Variants in AP3B1 observed in about 807,000 individuals in gnomAD.
AP3B1 encodes AP-3 complex subunit beta-1.
In AP3B1, 61 loss-of-function variants were observed where a neutral mutation model predicts 132.5. The observed-to-expected ratio is 0.46, with a 90% CI of 0.37 to 0.57. AP3B1 has a LOEUF of 0.57. AP3B1 is among the 20% of genes least tolerant of loss of function. AP3B1 has a pLI of 0.00. For synonymous variants in AP3B1, 388 were observed against 438.3 expected (o/e 0.89, Z 1.43); for missense variants, 1,120 against 1,289.4 (o/e 0.87, Z 2.01).
At chr5:78,237,653 C>T (rs375482814) in intron 3 of AP3B1, among the ~76,000 whole-genome samples, 23 of 151,900 alleles carry the variant, frequency 1.5e-4, no homozygotes, top group African/African-American at 4.4e-4. Context: ...ACTAAAAATA[C>T]GAAAAATAAA....
intron 24 of AP3B1, among the ~76,000 whole-genome samples, chr5:78,033,297 G>A (rs940006715): frequency 6.6e-6 from 1 of 151,992 alleles, no homozygotes; most frequent in African/African-American, 2.4e-5. Flanking sequence ...AAAGTAATCA[G>A]TTTTTATATA....
At chr5:78,169,525 A>C (rs1743812154) in intron 11 of AP3B1, among the ~76,000 whole-genome samples, 1 of 151,968 alleles carries the variant, frequency 6.6e-6, no homozygotes, top group Non-Finnish European at 1.5e-5. Context: ...ACTTTCTGGG[A>C]TCAAGCAATC....
chr5:78,097,415 C>T (rs1292615293), intron 21 of AP3B1, among the ~76,000 whole-genome samples: 9 of 130,700 alleles, frequency 6.9e-5, no homozygotes, highest in Admixed American at 2.2e-4. Flanking sequence ...CCAGCCGCCT[C>T]GTCCGGGAGG....
intron 17 of AP3B1, among the ~76,000 whole-genome samples, chr5:78,118,158 G>A (rs185034942): frequency 3.1e-4 from 47 of 152,304 alleles, no homozygotes; most frequent in Non-Finnish European, 3.1e-4. Flanking sequence ...TTAGTCTGGT[G>A]CACATTTGAC....
At chr5:78,140,521 T>C (rs963331437) in intron 15 of AP3B1, among the ~76,000 whole-genome samples, 3 of 152,198 alleles carry the variant, frequency 2.0e-5, no homozygotes, top group African/African-American at 7.2e-5. Context: ...CTTCTCACTG[T>C]GTCCTCACAT....
chr5:78,143,134 C>A (rs1305918174), intron 14 of AP3B1, among the ~76,000 whole-genome samples: 1 of 152,046 alleles, frequency 6.6e-6, no homozygotes, highest in African/African-American at 2.4e-5. Context: ...AATCAGAATT[C>A]TATGACATAC....
Position 78,039,272 on chromosome 5 carries a change from G to A in AP3B1, c.2580C>T (p.Val860=). 6.2e-7 allele frequency: 1 copy of A among 1,612,576 alleles called. No homozygotes were observed. Among genetic ancestry groups the A allele is most frequent in the Non-Finnish European group, 8.5e-7 (1 of 1,178,652 alleles). Reference sequence around the variant, plus strand: ...TCGTTGGTACAAATGCAGGAGTACTGACCTATTACACACGGCAAAAAGAAA... The same window carrying A: ...TCGTTGGTACAAATGCAGGAGTACTAACCTATTACACACGGCAAAAAGAAA... ...HLSTSSSVIS[V]STPAFVPTKT... Residue 860 remains valine (V), a splice_region_variant and synonymous_variant, in exon 23 of 27, where the codon GTC becomes GTT. Coordinates refer to ENST00000255194, the MANE Select transcript of AP3B1 (RefSeq NM_003664.5).
intron 22 of AP3B1, among the ~76,000 whole-genome samples, chr5:78,039,791 AAG>A (rs1361965456): frequency 8.9e-5 from 13 of 146,192 alleles, no homozygotes; most frequent in African/African-American, 3.3e-4. Flanking sequence ...AAAAAAAAAA[AAG>A]AAAAGAAAAG....
chr5:78,057,760 A>G (rs545945756), intron 22 of AP3B1, among the ~76,000 whole-genome samples: 3 of 152,118 alleles, frequency 2.0e-5, no homozygotes, highest in Non-Finnish European at 4.4e-5. Flanking sequence ...ACTACCCACA[A>G]TGCAATGCTC....
intron 22 of AP3B1, among the ~76,000 whole-genome samples, chr5:78,079,487 T>TAA (rs1312635621): frequency 1.3e-5 from 2 of 152,170 alleles, no homozygotes; most frequent in African/African-American, 4.8e-5. Flanking sequence ...GTTCATTAAT[T>TAA]AAATAATTCT....
intron 21 of AP3B1, among the ~76,000 whole-genome samples, chr5:78,093,741 T>TC (rs1750639597): frequency 2.0e-5 from 3 of 152,236 alleles, no homozygotes; most frequent in African/African-American, 7.2e-5. Flanking sequence ...CAGTAATGCC[T>TC]ATCATGTGTT....
chr5:78,258,024 G>T (rs1364384635), intron 2 of AP3B1, among the ~76,000 whole-genome samples: 1 of 152,162 alleles, frequency 6.6e-6, no homozygotes, highest in East Asian at 1.9e-4. Context: ...ATGGATTAAA[G>T]ACTTAAATCT....
At chr5:78,096,825 G>C in intron 21 of AP3B1, among the ~76,000 whole-genome samples, 1 of 151,096 alleles carries the variant, frequency 6.6e-6, no homozygotes, top group East Asian at 2.0e-4. Flanking sequence ...CAGCCGCCCC[G>C]TCCGGGAGGG....
chr5:78,242,757 T>A (rs528835723), intron 2 of AP3B1, among the ~76,000 whole-genome samples: 1 of 152,322 alleles, frequency 6.6e-6, no homozygotes, highest in Non-Finnish European at 1.5e-5. Flanking sequence ...TCCTGTGCAC[T>A]ATTTTACATT....
At chr5:78,207,756 T>C (rs892987336) in intron 7 of AP3B1, among the ~76,000 whole-genome samples, 2 of 152,138 alleles carry the variant, frequency 1.3e-5, no homozygotes, top group Non-Finnish European at 2.9e-5. Flanking sequence ...TCTTTGGCTA[T>C]CTTCAGATTT....
intron 1 of AP3B1, among the ~76,000 whole-genome samples, chr5:78,272,251 T>A (rs573849275): frequency 6.6e-6 from 1 of 152,286 alleles, no homozygotes; most frequent in South Asian, 2.1e-4. Context: ...TGAGCCAATG[T>A]ATACCTCACA....
chr5:78,153,455 G>A (rs1308898978), intron 14 of AP3B1, among the ~76,000 whole-genome samples: 1 of 151,348 alleles, frequency 6.6e-6, no homozygotes, highest in Non-Finnish European at 1.5e-5. Flanking sequence ...TATAGGTGAA[G>A]TGTGCTTCTT....
intron 7 of AP3B1, among the ~76,000 whole-genome samples, chr5:78,211,517 T>C (rs1745736139): frequency 2.0e-5 from 3 of 152,222 alleles, no homozygotes; most frequent in Non-Finnish European, 2.9e-5. Flanking sequence ...GACAAAAGCA[T>C]GTACATCAGC....
At chr5:78,290,192 T>A (rs1049917891) in intron 1 of AP3B1, among the ~76,000 whole-genome samples, 1 of 152,236 alleles carries the variant, frequency 6.6e-6, no homozygotes, top group Admixed American at 6.5e-5. Context: ...CTACTACAAA[T>A]GGAAAACATC....
Sources: gnomAD v4.1 joint callset for allele counts (sites outside exome capture counted in the v4.1 genomes callset) on GRCh38, gnomAD v4.1.1 for gene constraint, MANE v1.5 for transcripts, NCBI Gene and HGNC (gene_info 2026-07-23, HGNC 2026-07-21) for gene names.